SGCZ: variants seen among roughly 807,000 people sequenced by gnomAD.
SGCZ encodes sarcoglycan zeta.
A neutral mutation model predicts 41.3 loss-of-function variants in SGCZ; 40 were observed. The ratio of observed to expected loss-of-function variants is 0.97; its 90% CI spans 0.75 to 1.26. SGCZ has a LOEUF of 1.26. Ranked by LOEUF, SGCZ falls within the 50% of genes most tolerant of loss-of-function variation. SGCZ has a pLI of 0.00. For missense variants in SGCZ, 552 were observed against 369.8 expected (o/e 1.49, Z -4.04); for synonymous variants, 206 against 137.5 (o/e 1.50, Z -3.49).
At chr8:14,775,197 T>C (rs1184348691) in intron 1 of SGCZ, among the ~76,000 whole-genome samples, 1 of 152,176 alleles carries the variant, frequency 6.6e-6, no homozygotes, top group African/African-American at 2.4e-5. Context: ...GGAGATTTTG[T>C]AATAATACAA....
intron 5 of SGCZ, among the ~76,000 whole-genome samples, chr8:14,146,749 G>A (rs2116938616): frequency 6.8e-6 from 1 of 147,678 alleles, no homozygotes; most frequent in African/African-American, 2.5e-5. Flanking sequence ...GCGGGCGCCT[G>A]TAGTCCCAGC....
intron 1 of SGCZ, among the ~76,000 whole-genome samples, chr8:14,667,615 G>A (rs1405808597): frequency 6.6e-6 from 1 of 152,090 alleles, no homozygotes; most frequent in African/African-American, 2.4e-5. Flanking sequence ...GTGGATTTAT[G>A]TGCTGTTTAT....
At chr8:15,202,546 A>G (rs1025253283) in intron 1 of SGCZ, among the ~76,000 whole-genome samples, 2 of 152,138 alleles carry the variant, frequency 1.3e-5, no homozygotes, top group Non-Finnish European at 2.9e-5. Context: ...CATTGGGTAC[A>G]ATGTACACTT....
intron 1 of SGCZ, among the ~76,000 whole-genome samples, chr8:15,147,764 A>G (rs1034761646): frequency 1.3e-5 from 2 of 152,338 alleles, no homozygotes; most frequent in South Asian, 4.1e-4. Context: ...AGAAGGACAC[A>G]GTTCACACTC....
intron 2 of SGCZ, among the ~76,000 whole-genome samples, chr8:14,477,180 CTG>C (rs1376495228): frequency 6.6e-6 from 1 of 152,136 alleles, no homozygotes; most frequent in East Asian, 1.9e-4. Context: ...CAATATTTAA[CTG>C]TGTAAAATAC....
intron 5 of SGCZ, among the ~76,000 whole-genome samples, chr8:14,131,545 G>C (rs1244898197): frequency 6.6e-6 from 1 of 152,016 alleles, no homozygotes; most frequent in Admixed American, 6.5e-5. Flanking sequence ...CTTCTCTCTT[G>C]CTGCTTTATA....
At chr8:14,211,182 G>A (rs1280741469) in intron 4 of SGCZ, among the ~76,000 whole-genome samples, 3 of 152,260 alleles carry the variant, frequency 2.0e-5, no homozygotes, top group East Asian at 1.9e-4. Flanking sequence ...AGAGGGCGCT[G>A]GAGGGACACT....
At chr8:14,785,190 G>A (rs1230124152) in intron 1 of SGCZ, among the ~76,000 whole-genome samples, 1 of 150,972 alleles carries the variant, frequency 6.6e-6, no homozygotes, top group African/African-American at 2.4e-5. Flanking sequence ...TTGCTATCTG[G>A]AAATTGTTAT....
rs1209047500 is a variant in SGCZ, at chr8:14,290,543, C to T, written c.336+33560G>A. 2.6e-5 allele frequency among the ~76,000 whole-genome samples: 4 copies of T among 152,088 alleles called. No individual in the cohort carries two copies. The East Asian group carries it at 5.8e-4, about 22-fold the overall frequency. On this transcript the variant is annotated intron_variant, in intron 3 of 7. Transcript: ENST00000382080. ...GGGTCAAAAACCTGAATAGACATTT[C>T]TCAAAAGAAGACATTCAAATGGCCA...
intron 1 of SGCZ, among the ~76,000 whole-genome samples, chr8:15,145,516 A>C (rs1289854427): frequency 1.3e-5 from 2 of 152,150 alleles, no homozygotes; most frequent in Non-Finnish European, 2.9e-5. Flanking sequence ...ACCTACGCTG[A>C]AGTGCAGTGG....
intron 1 of SGCZ, among the ~76,000 whole-genome samples, chr8:14,785,457 C>T (rs1169636705): frequency 3.9e-5 from 6 of 151,986 alleles, no homozygotes; most frequent in Admixed American, 1.3e-4. Context: ...ATTTAAAATG[C>T]ATGGTATAAC....
At chr8:15,230,777 T>C (rs1801916708) in intron 1 of SGCZ, among the ~76,000 whole-genome samples, 1 of 152,198 alleles carries the variant, frequency 6.6e-6, no homozygotes, top group African/African-American at 2.4e-5. Flanking sequence ...TGAACCAAAC[T>C]TCCCTTTCAC....
Position 14,679,496 on chromosome 8 carries a change from TAC to T in SGCZ, c.40-124572_40-124571del, listed in dbSNP as rs1563198218. On this transcript the variant is annotated intron_variant, in intron 1 of 7. Coordinates refer to ENST00000382080, the MANE Select transcript of SGCZ (RefSeq NM_139167.4). Reference sequence around the variant, plus strand: ...GTTTTTATCAAAAAAGTAATATATATACATATATATTATATATATACACACAT... The same window carrying T: ...GTTTTTATCAAAAAAGTAATATATATATATATATTATATATATACACACAT... 1.3e-4 allele frequency among the ~76,000 whole-genome samples: 19 copies of T among 151,234 alleles called. No homozygotes were observed. The East Asian group carries it at 2.7e-3, about 22-fold the overall frequency.
At chr8:15,047,457 G>T (rs1024287408) in intron 1 of SGCZ, among the ~76,000 whole-genome samples, 1 of 151,952 alleles carries the variant, frequency 6.6e-6, no homozygotes, top group African/African-American at 2.4e-5. Flanking sequence ...GTCCAAAGAT[G>T]ATTTTTGGCA....
rs1468188989 is a variant in SGCZ at position 14,141,516 on chromosome 8, G to T, written c.547+23064C>A. 5.3e-5 allele frequency among the ~76,000 whole-genome samples: 8 copies of T among 152,314 alleles called. No homozygotes were observed. In the East Asian group the frequency reaches 1.5e-3, roughly 29 times the overall value. ...AAAAACTGGGCAAAGGATATGAACA[G>T]ACACTTCTCAAAAGAAGACATTTAT... is the stretch of plus-strand genomic sequence containing the variant. On this transcript the variant is annotated intron_variant, in intron 5 of 7. Transcript: ENST00000382080.
intron 2 of SGCZ, among the ~76,000 whole-genome samples, chr8:14,458,497 T>C (rs182027037): frequency 7.4e-4 from 112 of 152,302 alleles, no homozygotes; most frequent in African/African-American, 2.5e-3. Flanking sequence ...GGTGTCTCAA[T>C]AGTGAGGAAA....
At position 14,358,441 on chromosome 8, in the gene SGCZ, G is replaced by A. The variant is rs547446987; in HGVS notation, c.235-34237C>T. The stretch of plus-strand genomic sequence containing the variant: ...ATCTCATTACGTAAGAAGTCTTACT[G>A]TCACCAGATGGTAACGCAATGTATG... On this transcript the variant is annotated intron_variant, in intron 2 of 7. Coordinates refer to ENST00000382080, the MANE Select transcript of SGCZ (RefSeq NM_139167.4). Among the ~76,000 whole-genome samples the A allele has an allele frequency of 2.6e-5, 4 of 152,044 alleles. No homozygotes were observed. The East Asian group carries it at 7.7e-4, about 29-fold the overall frequency.
chr8:14,757,574 G>A (rs1320463620), intron 1 of SGCZ, among the ~76,000 whole-genome samples: 1 of 152,072 alleles, frequency 6.6e-6, no homozygotes, highest in African/African-American at 2.4e-5. Context: ...TGGTTGCCTG[G>A]TACATAAAAA....
At chr8:14,410,561 T>C (rs756283489) in intron 2 of SGCZ, among the ~76,000 whole-genome samples, 5 of 150,452 alleles carry the variant, frequency 3.3e-5, no homozygotes, top group Admixed American at 6.6e-5. Flanking sequence ...AAACAGAAGT[T>C]CTACACATGG....
Sources: allele counts gnomAD v4.1 joint callset (sites outside exome capture counted in the v4.1 genomes callset), GRCh38; gene constraint gnomAD v4.1.1; transcripts MANE v1.5; gene names NCBI Gene and HGNC (gene_info 2026-07-23, HGNC 2026-07-21).